Variants in CHD1 observed in about 807,000 individuals in gnomAD.
CHD1 encodes chromodomain helicase DNA binding protein 1, also known as ATP-dependent chromatin remodeler CHD1.
Under a neutral mutation model 224.2 loss-of-function variants are expected in CHD1, and 36 were observed. That is an observed-to-expected ratio of 0.16 (90% CI 0.12 to 0.21). CHD1 has a LOEUF of 0.21. CHD1 is among the 10% of genes least tolerant of loss of function. The pLI is 1.00. For synonymous variants in CHD1, 668 were observed against 658.3 expected (o/e 1.01, Z -0.23); for missense variants, 1,378 against 1,994.8 (o/e 0.69, Z 5.89).
intron 2 of CHD1, among the ~76,000 whole-genome samples, chr5:98,921,349 A>C (rs1421442179): frequency 6.6e-6 from 1 of 152,226 alleles, no homozygotes; most frequent in Non-Finnish European, 1.5e-5. Context: ...CAACATCAAT[A>C]ACAAAGTGGC....
chr5:98,862,705 G>A (rs1332400294), intron 32 of CHD1, among the ~76,000 whole-genome samples: 1 of 152,190 alleles, frequency 6.6e-6, no homozygotes, highest in Middle Eastern at 3.4e-3. Context: ...AAAAATCTAA[G>A]CCCTAATTAT....
At position 98,856,149 on chromosome 5, in the gene CHD1, G is replaced by C; in HGVS notation, c.*231C>G. On this transcript the variant is annotated 3_prime_UTR_variant, in exon 36 of 36. Transcript: ENST00000614616. ...AAACATTTTCCATTTCTTTAAAAAA[G>C]AAAACAAAAAAAAGTACTACAATTT... The C allele has an allele frequency of 2.7e-6, 1 of 363,960 alleles. No homozygotes were observed. The highest frequency in any genetic ancestry group is 5.0e-6 in the Non-Finnish European group (1 of 198,262). 22.5% of individuals were successfully genotyped at this position (363,960 alleles called of 1,614,324 possible). A position where few individuals can be genotyped will look rare whatever the true frequency, so the allele number is the denominator to read the frequency against.
chr5:98,871,369 C>CAAAAA lies in CHD1; in HGVS notation c.3862-571_3862-567dup, dbSNP rs61406690. Among the ~76,000 whole-genome samples the CAAAAA allele has an allele frequency of 1.4e-3, 64 of 46,772 alleles. 4 individuals carry two copies. Among genetic ancestry groups the CAAAAA allele is most frequent in the South Asian group, 2.0e-3 (2 of 980 alleles). The allele number at this position is 46,772 out of a possible 152,430, so 30.7% of individuals were successfully genotyped here. On this transcript the variant is annotated intron_variant, in intron 28 of 35. Transcript: ENST00000614616. ...TTCTCCCAGTGTTTCCCATTTTAGG[C>CAAAAA]AAAAAAAAAAAAAAAAAAAAAAAAA... is the stretch of plus-strand genomic sequence containing the variant.
At chr5:98,866,012 G>A (rs1748833968) in intron 31 of CHD1, among the ~76,000 whole-genome samples, 1 of 152,170 alleles carries the variant, frequency 6.6e-6, no homozygotes, top group Admixed American at 6.5e-5. Context: ...ACCACATAGA[G>A]AAGGGGAAGT....
At chr5:98,865,090 C>T (rs1382215380) in intron 31 of CHD1, among the ~76,000 whole-genome samples, 3 of 152,126 alleles carry the variant, frequency 2.0e-5, no homozygotes, top group Admixed American at 2.0e-4. Flanking sequence ...CAGGGAGCTT[C>T]CTATCTTATC....
At chr5:98,909,279 ATTTTTC>A (rs1484715259) in intron 2 of CHD1, among the ~76,000 whole-genome samples, 1 of 152,042 alleles carries the variant, frequency 6.6e-6, no homozygotes, top group Non-Finnish European at 1.5e-5. Flanking sequence ...CATTTAACAT[ATTTTTC>A]TATCCCTTGT....
chr5:98,903,240 T>A (rs562890713), intron 4 of CHD1, among the ~76,000 whole-genome samples: 1 of 152,148 alleles, frequency 6.6e-6, no homozygotes, highest in African/African-American at 2.4e-5. Flanking sequence ...TGTTGCCTAG[T>A]ATAGCCAAAA....
intron 15 of CHD1, chr5:98,889,730 T>C (rs1750887007): frequency 6.6e-6 from 1 of 152,364 alleles, no homozygotes; most frequent in Admixed American, 6.5e-5. Flanking sequence ...TAACAATTCC[T>C]GTGCTCACTT....
chr5:98,901,544 CTTAG>C (rs1345190760), intron 5 of CHD1, among the ~76,000 whole-genome samples: 12 of 152,180 alleles, frequency 7.9e-5, no homozygotes, highest in African/African-American at 2.6e-4. Flanking sequence ...TTGCTAATCA[CTTAG>C]TTATACGTCA....
At chr5:98,898,146 T>A (rs980041790) in intron 10 of CHD1, 110 bp downstream of exon 10, 1 of 528,030 alleles carries the variant, frequency 1.9e-6, no homozygotes, top group Non-Finnish European at 2.9e-6. Context: ...CCAAGAAATA[T>A]TCTCCCTTAG....
intron 4 of CHD1, among the ~76,000 whole-genome samples, chr5:98,903,389 AG>A (rs1376298672): frequency 1.3e-5 from 2 of 152,212 alleles, no homozygotes; most frequent in Non-Finnish European, 2.9e-5. Flanking sequence ...CATTGTGTAT[AG>A]TGGCCATCTA....
intron 18 of CHD1, chr5:98,883,853 ATATATATATTTTTTTTT>A (rs1450319548): frequency 5.9e-5 from 2 of 33,680 alleles, no homozygotes; most frequent in African/African-American, 2.5e-4. Flanking sequence ...ATATATATAT[ATATATATATTTTTTTTT>A]TTTTTTTTTT....
intron 2 of CHD1, among the ~76,000 whole-genome samples, chr5:98,909,659 C>CT (rs1199568447): frequency 1.3e-5 from 2 of 152,128 alleles, no homozygotes; most frequent in Non-Finnish European, 2.9e-5. Flanking sequence ...TTTGTTAACT[C>CT]TGAGGTATAG....
intron 6 of CHD1, 27 bp downstream of exon 6, chr5:98,901,159 A>G (rs1751680190): frequency 1.9e-6 from 3 of 1,589,688 alleles, no homozygotes; most frequent in Non-Finnish European, 2.6e-6. Flanking sequence ...TCCACAATCA[A>G]TTTTCAGCAC....
chr5:98,918,065 T>C (rs1456966372), intron 2 of CHD1, among the ~76,000 whole-genome samples: 1 of 151,754 alleles, frequency 6.6e-6, no homozygotes, highest in African/African-American at 2.4e-5. Flanking sequence ...AAAAACTTTT[T>C]TTTTTTTTTT....
intron 26 of CHD1, among the ~76,000 whole-genome samples, 197 bp from the exon 27 acceptor site, chr5:98,872,752 AAAGT>A (rs1392765529): frequency 1.3e-5 from 2 of 152,174 alleles, no homozygotes; most frequent in African/African-American, 4.8e-5. Flanking sequence ...AAATTCACGA[AAAGT>A]ATTTCTCTAA....
Position 98,900,747 on chromosome 5 carries a change from C to T in CHD1, c.859+64G>A, listed in dbSNP as rs1751649494. 4 of 1,435,850 alleles carry T rather than the reference C, an allele frequency of 2.8e-6. No homozygotes were observed. The Admixed American group carries it at 8.0e-5, about 29-fold the overall frequency. The allele number at this position is 1,435,850 out of a possible 1,614,324, so 88.9% of individuals were successfully genotyped here. A position where few individuals can be genotyped will look rare whatever the true frequency, so the allele number is the denominator to read the frequency against. ...GATTACAGGGGCGACCCACTGTGCC[C>T]AGCCCTCTACTCCTGTAAATATTAT... On this transcript the variant is annotated intron_variant, in intron 7 of 35. Transcript: ENST00000614616.
chr5:98,864,118 T>C (rs1490999446), intron 31 of CHD1, among the ~76,000 whole-genome samples: 1 of 152,140 alleles, frequency 6.6e-6, no homozygotes, highest in East Asian at 1.9e-4. Context: ...AGGGTAACTT[T>C]TTCCTTGGCC....
At chr5:98,870,552 A>C in intron 29 of CHD1, 135 bp downstream of exon 29, 1 of 482,004 alleles carries the variant, frequency 2.1e-6, no homozygotes, top group Non-Finnish European at 3.7e-6. Flanking sequence ...TGGCAACATC[A>C]AATAAAACTA....
Sources: gnomAD v4.1 joint callset for allele counts (sites outside exome capture counted in the v4.1 genomes callset) on GRCh38, gnomAD v4.1.1 for gene constraint, MANE v1.5 for transcripts, NCBI Gene and HGNC (gene_info 2026-07-23, HGNC 2026-07-21) for gene names.